KCND2: variants seen among roughly 807,000 people sequenced by gnomAD.
The protein encoded by KCND2 is A-type voltage-gated potassium channel KCND2.
A neutral mutation model predicts 54.4 loss-of-function variants in KCND2; 16 were observed. The ratio of observed to expected loss-of-function variants is 0.29; its 90% CI spans 0.20 to 0.45. The LOEUF is 0.45. Among genes scored for constraint, KCND2 ranks in the 20% least tolerant of loss-of-function variants. The pLI, the probability that KCND2 is intolerant of heterozygous loss-of-function variation, is 1.00. For synonymous variants in KCND2, 317 were observed against 310.7 expected, an observed-to-expected ratio of 1.02 and a Z score of -0.21; for missense variants, 486 against 824.2, an observed-to-expected ratio of 0.59 and a Z score of 5.02.
At chr7:120,548,118 A>G (rs1792064873) in intron 1 of KCND2, among the ~76,000 whole-genome samples, 1 of 152,134 alleles carries the variant, frequency 6.6e-6, no homozygotes, top group Non-Finnish European at 1.5e-5. Flanking sequence ...TAAATGCTCC[A>G]GAGAATTGCC....
At chr7:120,512,092 T>C (rs1251638881) in intron 1 of KCND2, among the ~76,000 whole-genome samples, 1 of 152,106 alleles carries the variant, frequency 6.6e-6, no homozygotes, top group Non-Finnish European at 1.5e-5. Context: ...TGAGAGTTGA[T>C]TGTGTTTAGG....
intron 1 of KCND2, among the ~76,000 whole-genome samples, chr7:120,695,530 G>A (rs1174801834): frequency 6.6e-6 from 1 of 152,122 alleles, no homozygotes; most frequent in African/African-American, 2.4e-5. Flanking sequence ...AAGAAGGAGA[G>A]TAATTGGGTT....
intron 2 of KCND2, among the ~76,000 whole-genome samples, chr7:120,737,649 T>G (rs1562924481): frequency 6.6e-6 from 1 of 152,042 alleles, no homozygotes; most frequent in Non-Finnish European, 1.5e-5. Flanking sequence ...TCTTAGCAAG[T>G]GAAAAGATTC....
chr7:120,692,642 G>T (rs557762277), intron 1 of KCND2, among the ~76,000 whole-genome samples: 5 of 152,230 alleles, frequency 3.3e-5, no homozygotes, highest in African/African-American at 1.2e-4. Flanking sequence ...AACAAGAAAA[G>T]AATTATTATT....
At chr7:120,556,264 A>T (rs746441004) in intron 1 of KCND2, among the ~76,000 whole-genome samples, 1 of 152,208 alleles carries the variant, frequency 6.6e-6, no homozygotes, top group Non-Finnish European at 1.5e-5. Flanking sequence ...CTGGTGAGCC[A>T]AAGAGAATAA....
intron 1 of KCND2, among the ~76,000 whole-genome samples, chr7:120,660,328 A>G (rs548435821): frequency 1.3e-5 from 2 of 152,346 alleles, no homozygotes; most frequent in South Asian, 4.1e-4. Flanking sequence ...CAAAAGAGAA[A>G]CAATGATTAT....
At chr7:120,712,940 A>T (rs1455255925) in intron 1 of KCND2, among the ~76,000 whole-genome samples, 1 of 152,112 alleles carries the variant, frequency 6.6e-6, no homozygotes, top group Admixed American at 6.6e-5. Context: ...TATAAATAGG[A>T]TCATAAGACT....
intron 1 of KCND2, among the ~76,000 whole-genome samples, chr7:120,300,704 T>A (rs1462203234): frequency 6.6e-6 from 1 of 152,106 alleles, no homozygotes; most frequent in Non-Finnish European, 1.5e-5. Flanking sequence ...TTTATGATCA[T>A]CTAGACACTT....
chr7:120,510,961 A>G (rs922597413), intron 1 of KCND2, among the ~76,000 whole-genome samples: 2 of 150,502 alleles, frequency 1.3e-5, no homozygotes, highest in Non-Finnish European at 3.0e-5. Context: ...CCCAAATCCT[A>G]AAATACTCTG....
intron 1 of KCND2, among the ~76,000 whole-genome samples, chr7:120,394,082 G>A (rs1268182607): frequency 6.6e-6 from 1 of 151,944 alleles, no homozygotes; most frequent in Non-Finnish European, 1.5e-5. Flanking sequence ...ATCATCCGAT[G>A]GGTTCTTCCT....
At chr7:120,738,547 C>T (rs534633683) in intron 2 of KCND2, among the ~76,000 whole-genome samples, 1 of 151,784 alleles carries the variant, frequency 6.6e-6, no homozygotes, top group East Asian at 1.9e-4. Flanking sequence ...AAAATGTAAA[C>T]CTTGCTTTAA....
chr7:120,315,804 GTGTGTGTGTGT>G (rs1435313014), intron 1 of KCND2, among the ~76,000 whole-genome samples: 3 of 145,646 alleles, frequency 2.1e-5, no homozygotes, highest in African/African-American at 5.0e-5. Context: ...GTGTGTGTGT[GTGTGTGTGTGT>G]GTAATATTTG....
intron 1 of KCND2, among the ~76,000 whole-genome samples, chr7:120,440,453 T>C (rs967825984): frequency 1.3e-5 from 2 of 152,104 alleles, no homozygotes; most frequent in African/African-American, 4.8e-5. Flanking sequence ...CTGTACTTTG[T>C]TGATTGTTCT....
At chr7:120,735,790 G>A (rs909427609) in intron 2 of KCND2, among the ~76,000 whole-genome samples, 1 of 151,974 alleles carries the variant, frequency 6.6e-6, no homozygotes, top group Non-Finnish European at 1.5e-5. Flanking sequence ...GATTAATAAA[G>A]TAAAATATAA....
At chr7:120,317,778 C>T (rs1799834580) in intron 1 of KCND2, among the ~76,000 whole-genome samples, 1 of 152,076 alleles carries the variant, frequency 6.6e-6, no homozygotes, top group Admixed American at 6.6e-5. Flanking sequence ...ATTAAGTGTA[C>T]TCATTATTGT....
At chr7:120,711,830 T>C (rs1418999069) in intron 1 of KCND2, among the ~76,000 whole-genome samples, 2 of 152,180 alleles carry the variant, frequency 1.3e-5, no homozygotes, top group African/African-American at 4.8e-5. Context: ...TTCACCAAAG[T>C]CCATATTTAT....
At chr7:120,631,657 T>A (rs1189590834) in intron 1 of KCND2, among the ~76,000 whole-genome samples, 1 of 152,166 alleles carries the variant, frequency 6.6e-6, no homozygotes, top group African/African-American at 2.4e-5. Flanking sequence ...AACTGTCATT[T>A]GAACTGCATA....
At chr7:120,379,244 G>A (rs943026462) in intron 1 of KCND2, among the ~76,000 whole-genome samples, 9 of 152,030 alleles carry the variant, frequency 5.9e-5, no homozygotes, top group African/African-American at 1.7e-4. Flanking sequence ...TTGGTTATTG[G>A]CATACCAGCA....
chr7:120,560,694 C>T (rs376509146), intron 1 of KCND2, among the ~76,000 whole-genome samples: 43 of 152,152 alleles, frequency 2.8e-4, no homozygotes, highest in African/African-American at 9.9e-4. Flanking sequence ...AATGAAGCAG[C>T]AGGCAGGGAA....
Sources: allele counts gnomAD v4.1 joint callset (sites outside exome capture counted in the v4.1 genomes callset), GRCh38; gene constraint gnomAD v4.1.1; transcripts MANE v1.5; gene names NCBI Gene and HGNC (gene_info 2026-07-23, HGNC 2026-07-21).